The following RNLS variants were observed in gnomAD, a reference collection of about 807,000 sequenced individuals.
The protein encoded by RNLS is renalase, FAD dependent amine oxidase, also known as renalase.
Under a neutral mutation model 39.8 loss-of-function variants are expected in RNLS, and 39 were observed. The ratio of observed to expected loss-of-function variants is 0.98; its 90% CI spans 0.76 to 1.28. The LOEUF (loss-of-function observed/expected upper bound fraction) is 1.28, where lower values mean the gene tolerates loss of function less well. RNLS is among the 50% of genes most tolerant of loss of function. The pLI is 0.00. For synonymous variants in RNLS, 147 were observed against 150.7 expected (o/e 0.98, Z 0.18); for missense variants, 410 against 413.3 (o/e 0.99, Z 0.07).
intron 4 of RNLS, among the ~76,000 whole-genome samples, chr10:88,523,892 C>T (rs548190628): frequency 2.6e-5 from 4 of 152,210 alleles, no homozygotes; most frequent in East Asian, 3.9e-4. Flanking sequence ...CATACCTCTG[C>T]CGACCTACAT....
At chr10:88,578,306 CTAA>C (rs1421492084) in intron 3 of RNLS, among the ~76,000 whole-genome samples, 1 of 151,912 alleles carries the variant, frequency 6.6e-6, no homozygotes, top group Non-Finnish European at 1.5e-5. Context: ...TTAAACTTTC[CTAA>C]TATTACATGA....
At chr10:88,496,834 A>G (rs1845201965) in intron 4 of RNLS, among the ~76,000 whole-genome samples, 1 of 152,102 alleles carries the variant, frequency 6.6e-6, no homozygotes, top group African/African-American at 2.4e-5. Context: ...ACTATAATCT[A>G]CTTAGTCTTT....
At chr10:88,577,785 T>C (rs1850298047) in intron 3 of RNLS, among the ~76,000 whole-genome samples, 1 of 152,194 alleles carries the variant, frequency 6.6e-6, no homozygotes, top group Non-Finnish European at 1.5e-5. Flanking sequence ...GGACAATAAA[T>C]TAAAATAGAA....
downstream of RNLS, among the ~76,000 whole-genome samples, chr10:88,280,080 G>A (rs184056525): frequency 5.1e-4 from 77 of 152,124 alleles, 1 homozygote; most frequent in African/African-American, 1.7e-3. Flanking sequence ...CAGAGGCACC[G>A]GGTTAAACTC....
the RNLS span, among the ~76,000 whole-genome samples, chr10:88,189,043 T>G: frequency 2.6e-5 from 4 of 152,192 alleles, no homozygotes; most frequent in South Asian, 2.1e-4. Context: ...GATTTCAGTT[T>G]TCTCGTTTCA....
At chr10:88,276,639 C>T (rs1213405209) in intron 6 of RNLS, among the ~76,000 whole-genome samples, 37 of 152,132 alleles carry the variant, frequency 2.4e-4, no homozygotes, top group Admixed American at 2.0e-3. Flanking sequence ...CCTGAATCAA[C>T]AGTAAACTGC....
intron 4 of RNLS, among the ~76,000 whole-genome samples, chr10:88,427,250 G>A (rs758695515): frequency 6.6e-6 from 1 of 151,978 alleles, no homozygotes; most frequent in Non-Finnish European, 1.5e-5. Flanking sequence ...GGATTCTACT[G>A]ATCTGTTAGA....
At chr10:88,499,475 T>C (rs940160719) in intron 4 of RNLS, among the ~76,000 whole-genome samples, 6 of 152,126 alleles carry the variant, frequency 3.9e-5, no homozygotes, top group Non-Finnish European at 1.5e-5. Flanking sequence ...GATAATATGT[T>C]AGAAGTTCTT....
At chr10:88,340,480 G>A (rs1162859709) in intron 5 of RNLS, among the ~76,000 whole-genome samples, 1 of 152,118 alleles carries the variant, frequency 6.6e-6, no homozygotes, top group Non-Finnish European at 1.5e-5. Flanking sequence ...AAGTTTACAA[G>A]TGTCTCTTTA....
At chr10:88,444,483 C>T (rs896193916) in intron 4 of RNLS, among the ~76,000 whole-genome samples, 6 of 152,152 alleles carry the variant, frequency 3.9e-5, no homozygotes, top group African/African-American at 7.2e-5. Flanking sequence ...ATGACTTTGA[C>T]GAGTTGAGAG....
At chr10:88,577,348 C>A (rs1850270931) in intron 3 of RNLS, among the ~76,000 whole-genome samples, 1 of 152,102 alleles carries the variant, frequency 6.6e-6, no homozygotes, top group Admixed American at 6.5e-5. Flanking sequence ...GTATGAGCAC[C>A]TCTCATTGCC....
intron 4 of RNLS, among the ~76,000 whole-genome samples, chr10:88,524,984 TATATATATATATATAC>T (rs1247305282): frequency 2.8e-4 from 37 of 133,870 alleles, no homozygotes; most frequent in Middle Eastern, 7.9e-3. Flanking sequence ...TATATATATA[TATATATATATATATAC>T]ACACACACAC....
At chr10:88,194,874 G>A in the RNLS span, among the ~76,000 whole-genome samples, 1 of 152,130 alleles carries the variant, frequency 6.6e-6, no homozygotes, top group Non-Finnish European at 1.5e-5. Flanking sequence ...ACAAAAAGAG[G>A]AACTAGGCTT....
the RNLS span, among the ~76,000 whole-genome samples, chr10:88,217,357 G>C: frequency 2.6e-5 from 4 of 151,978 alleles, no homozygotes; most frequent in Admixed American, 1.3e-4. Flanking sequence ...TCATCAGTTG[G>C]GTTAAAATAT....
the RNLS span, among the ~76,000 whole-genome samples, chr10:88,202,851 C>G: frequency 6.6e-6 from 1 of 152,274 alleles, no homozygotes; most frequent in South Asian, 2.1e-4. Flanking sequence ...CCATGGCACA[C>G]AGGGCTACAT....
intron 4 of RNLS, among the ~76,000 whole-genome samples, chr10:88,367,438 G>A (rs538769233): frequency 4.6e-5 from 7 of 152,054 alleles, no homozygotes; most frequent in Non-Finnish European, 7.4e-5. Context: ...TTGCTTATAC[G>A]TATACACTAC....
At chr10:88,250,165 T>C in the RNLS span, among the ~76,000 whole-genome samples, 2 of 152,348 alleles carry the variant, frequency 1.3e-5, no homozygotes, top group South Asian at 4.1e-4. Flanking sequence ...AATCACTTTG[T>C]TTCTCTCCCT....
At chr10:88,459,542 C>A (rs1018547200) in intron 4 of RNLS, among the ~76,000 whole-genome samples, 1 of 152,048 alleles carries the variant, frequency 6.6e-6, no homozygotes, top group African/African-American at 2.4e-5. Context: ...GTCCATGTAT[C>A]CAGGGAGCTT....
chr10:88,348,426 C>T lies in RNLS; in HGVS notation c.700+14126G>A, dbSNP rs117981197. Among the ~76,000 whole-genome samples the T allele has an allele frequency of 7.3e-3, 1,113 of 152,260 alleles. 16 individuals are homozygous for T. The highest frequency in any genetic ancestry group is 0.022 in the East Asian group (112 of 5,184). ...TATAAATCTCAGCCTGACAGCCACACATTTAGGCCTATCCACAAGGGAAAA... is the reference window on the plus strand; with the variant it reads ...TATAAATCTCAGCCTGACAGCCACATATTTAGGCCTATCCACAAGGGAAAA... On this transcript the variant is annotated intron_variant, in intron 5 of 6. Transcript: ENST00000331772.
Sources: allele counts gnomAD v4.1 joint callset (sites outside exome capture counted in the v4.1 genomes callset), GRCh38; gene constraint gnomAD v4.1.1; transcripts MANE v1.5; gene names NCBI Gene and HGNC (gene_info 2026-07-23, HGNC 2026-07-21).